ZNF883: variants seen among roughly 807,000 people sequenced by gnomAD.
ZNF883 encodes the protein zinc finger protein 883.
upstream of ZNF883, among the ~76,000 whole-genome samples, chr9:112,999,334 T>C (rs896193939): frequency 1.3e-5 from 2 of 152,320 alleles, no homozygotes. Context: ...CCACAGCCTA[T>C]TCTTCTCTAT....
chr9:113,003,804 CAAT>C (rs1294601539), intron 2 of ZNF883, among the ~76,000 whole-genome samples: 1 of 152,124 alleles, frequency 6.6e-6, no homozygotes, highest in African/African-American at 2.4e-5. Context: ...AAAGCAGAAA[CAAT>C]AAGACTGCTG....
At chr9:113,001,290 G>C (rs1184847092), upstream of ZNF883, among the ~76,000 whole-genome samples, 3 of 152,080 alleles carry the variant, frequency 2.0e-5, no homozygotes, top group East Asian at 5.8e-4. Flanking sequence ...CCTTTTTAAT[G>C]TCTGAAAGTA....
At chr9:113,006,405 TATAC>T (rs1360639107) in intron 2 of ZNF883, among the ~76,000 whole-genome samples, 1 of 152,184 alleles carries the variant, frequency 6.6e-6, no homozygotes, top group Non-Finnish European at 1.5e-5. Flanking sequence ...CCCATGCTAC[TATAC>T]ATATGGGGTG....
intron 2 of ZNF883, among the ~76,000 whole-genome samples, chr9:113,005,467 A>C (rs1828465229): frequency 6.6e-6 from 1 of 152,210 alleles, no homozygotes; most frequent in South Asian, 2.1e-4. Flanking sequence ...ATCAATTTTC[A>C]TTCATCAGAT....
At chr9:112,989,753 C>T (rs2118595273) in intron 1 of ZNF883, among the ~76,000 whole-genome samples, 1 of 152,314 alleles carries the variant, frequency 6.6e-6, no homozygotes, top group East Asian at 1.9e-4. Flanking sequence ...CATCCATGAT[C>T]ATGGAATGTA....
At chr9:113,007,357 G>A (rs560991486) in intron 2 of ZNF883, among the ~76,000 whole-genome samples, 1 of 152,338 alleles carries the variant, frequency 6.6e-6, no homozygotes, top group Admixed American at 6.5e-5. Context: ...TAGTATTGCT[G>A]AATCTGTGAG....
At chr9:112,992,532 T>G (rs1163250138), downstream of ZNF883, among the ~76,000 whole-genome samples, 2 of 152,160 alleles carry the variant, frequency 1.3e-5, no homozygotes, top group African/African-American at 4.8e-5. Flanking sequence ...ATTTCGACCT[T>G]GGAGAATCTG....
Position 112,997,791 on chromosome 9 carries a change from C to T in ZNF883, n.469G>A, listed in dbSNP as rs1419819456. 7.4e-6 allele frequency: 12 copies of T among 1,613,440 alleles called. No homozygotes were observed. The Admixed American group carries it at 1.8e-4, about 25-fold the overall frequency. On this transcript the variant is annotated non_coding_transcript_exon_variant, in exon 1 of 1. Transcript: ENST00000639662. ...CTGCGGCTGAAGGTTTTTCCACATT[C>T]AGTACATTCATATGGTTTCTTTCCA...
chr9:112,997,079 A>G, downstream of ZNF883: 1 of 1,509,488 alleles, frequency 6.6e-7, no homozygotes, highest in East Asian at 2.3e-5. Context: ...GCTCAGGTGT[A>G]AACAATAACC....
chr9:113,003,177 G>A (rs1178643326), upstream of ZNF883, among the ~76,000 whole-genome samples: 1 of 152,118 alleles, frequency 6.6e-6, no homozygotes, highest in African/African-American at 2.4e-5. Context: ...CTGAATCATG[G>A]GCGCAGTTTC....
downstream of ZNF883, among the ~76,000 whole-genome samples, chr9:112,995,174 T>A (rs1192992012): frequency 6.6e-6 from 1 of 152,174 alleles, no homozygotes; most frequent in Non-Finnish European, 1.5e-5. Flanking sequence ...GTAGACCTCA[T>A]CCAATCCATT....
At chr9:112,997,179 T>C (rs1191060848) in exon 1 of ZNF883, 1 of 1,613,396 alleles carries the variant, frequency 6.2e-7, no homozygotes, top group South Asian at 1.1e-5. Flanking sequence ...AAGGATGTAC[T>C]ATGACAAAAG....
chr9:113,008,209 T>C (rs1407974168), intron 2 of ZNF883, among the ~76,000 whole-genome samples: 4 of 152,238 alleles, frequency 2.6e-5, no homozygotes, highest in Non-Finnish European at 5.9e-5. Context: ...AAGCATATTC[T>C]CTTTAATTTA....
At chr9:113,003,056 T>G (rs1412879113), upstream of ZNF883, among the ~76,000 whole-genome samples, 1 of 152,224 alleles carries the variant, frequency 6.6e-6, no homozygotes, top group Admixed American at 6.5e-5. Context: ...TCAGGTATTT[T>G]GCTATAGCAG....
exon 1 of ZNF883, chr9:112,997,130 A>C (rs1180468578): frequency 2.5e-6 from 4 of 1,600,244 alleles, no homozygotes; most frequent in Non-Finnish European, 3.4e-6. Flanking sequence ...TTACTCTGCT[A>C]AGGTTTCCTT....
At chr9:112,992,356 T>A (rs1263415471), downstream of ZNF883, among the ~76,000 whole-genome samples, 1 of 152,214 alleles carries the variant, frequency 6.6e-6, no homozygotes, top group Admixed American at 6.5e-5. Flanking sequence ...AGTTTGGTTG[T>A]ATGTAAAATT....
At chr9:112,997,032 C>G, downstream of ZNF883, 2 of 1,308,412 alleles carry the variant, frequency 1.5e-6, no homozygotes, top group Non-Finnish European at 2.0e-6. Context: ...TAAGATTTTC[C>G]TCACATAACA....
chr9:113,001,696 G>T (rs1828425903), upstream of ZNF883, among the ~76,000 whole-genome samples: 1 of 152,056 alleles, frequency 6.6e-6, no homozygotes, highest in Non-Finnish European at 1.5e-5. Flanking sequence ...GATATTTTGT[G>T]ACATTTCTCC....
downstream of ZNF883, chr9:112,997,038 T>C (rs565432147): frequency 9.5e-6 from 13 of 1,365,032 alleles, no homozygotes; most frequent in East Asian, 2.2e-4. Context: ...TTTCCTCACA[T>C]AACAATCCTA....
Sources: gnomAD v4.1 joint callset for allele counts (sites outside exome capture counted in the v4.1 genomes callset) on GRCh38, gnomAD v4.1.1 for gene constraint, MANE v1.5 for transcripts, NCBI Gene and HGNC (gene_info 2026-07-23, HGNC 2026-07-21) for gene names.